Variants in PARG observed in about 807,000 individuals in gnomAD.
PARG encodes the protein mitochondrial poly(ADP-ribose) glycohydrolase.
PARG carries 35 observed loss-of-function variants against 113.0 expected under a neutral mutation model. The observed-to-expected ratio is 0.31, with a 90% confidence interval of 0.24 to 0.41. PARG has a LOEUF of 0.41. Among genes scored for constraint, PARG ranks in the 10% least tolerant of loss-of-function variants. The pLI, the probability that PARG is intolerant of heterozygous loss-of-function variation, is 1.00. For missense variants in PARG, 797 were observed against 1,169.4 expected (o/e 0.68, Z 4.64); for synonymous variants, 330 against 409.9 (o/e 0.81, Z 2.36).
intron 16 of PARG, among the ~76,000 whole-genome samples, chr10:49,821,865 G>A (rs1377651646): frequency 6.6e-6 from 1 of 152,076 alleles, no homozygotes; most frequent in East Asian, 1.9e-4. Flanking sequence ...AAAGGAAGAA[G>A]AACAGGAAGA....
At chr10:49,910,112 T>G (rs1414995159) in intron 7 of PARG, among the ~76,000 whole-genome samples, 1 of 152,154 alleles carries the variant, frequency 6.6e-6, no homozygotes, top group African/African-American at 2.4e-5. Context: ...ATTTACCTTT[T>G]AAATTAAGTA....
chr10:49,887,118 T>A (rs1294161551), intron 7 of PARG, among the ~76,000 whole-genome samples: 3 of 151,878 alleles, frequency 2.0e-5, no homozygotes, highest in South Asian at 2.1e-4. Context: ...GGCATGACCA[T>A]AGCTCACTGT....
At chr10:49,881,110 T>G (rs1341295668) in intron 8 of PARG, among the ~76,000 whole-genome samples, 3 of 152,220 alleles carry the variant, frequency 2.0e-5, no homozygotes. Context: ...GATATTCCTT[T>G]CTGTTGATTC....
intron 16 of PARG, among the ~76,000 whole-genome samples, chr10:49,825,001 G>C (rs1442486836): frequency 1.3e-5 from 2 of 152,016 alleles, no homozygotes; most frequent in Non-Finnish European, 2.9e-5. Context: ...CGATTTAAAT[G>C]CATGCTGTCA....
intron 17 of PARG, 101 bp from the exon 18 acceptor site, chr10:49,819,595 T>C: frequency 1.2e-6 from 1 of 855,310 alleles, no homozygotes; most frequent in Non-Finnish European, 1.8e-6. Context: ...TGGCATATGC[T>C]CAGACTTGGC....
rs1174499662 is a variant in PARG at position 49,939,108 on chromosome 10, G to A, written c.217+2401C>T. ...CTCCTCCTCCTTTACATGCAAATAA[G>A]GTTAATGAAACCACAAATTATCCAG... On this transcript the variant is annotated intron_variant, in intron 1 of 17. Transcript: ENST00000616448. Among the ~76,000 whole-genome samples, 4 of 152,148 alleles carry A rather than the reference G, an allele frequency of 2.6e-5. No individual in the cohort carries two copies. In the East Asian group the frequency reaches 7.7e-4, roughly 29 times the overall value.
At chr10:49,849,729 T>C (rs1247906623) in intron 13 of PARG, among the ~76,000 whole-genome samples, 1 of 152,150 alleles carries the variant, frequency 6.6e-6, no homozygotes, top group South Asian at 2.1e-4. Context: ...TTATAAATTA[T>C]AGGCGGGGTG....
chr10:49,890,191 A>G (rs1452378633), intron 7 of PARG, among the ~76,000 whole-genome samples: 1 of 152,194 alleles, frequency 6.6e-6, no homozygotes, highest in African/African-American at 2.4e-5. Context: ...TTCTCCCACA[A>G]GTAAAACCCT....
intron 15 of PARG, chr10:49,833,400 T>C (rs1844766137): frequency 6.6e-6 from 1 of 152,228 alleles, no homozygotes; most frequent in Non-Finnish European, 1.5e-5. Flanking sequence ...GAGATTAGAT[T>C]AATAAATGTG....
At chr10:49,864,991 AG>A (rs1167157139) in intron 11 of PARG, among the ~76,000 whole-genome samples, 3 of 151,386 alleles carry the variant, frequency 2.0e-5, no homozygotes, top group African/African-American at 4.8e-5. Flanking sequence ...AAAAAAAAAA[AG>A]GGTAAGGAGA....
intron 10 of PARG, among the ~76,000 whole-genome samples, chr10:49,868,540 C>T (rs1171302112): frequency 4.6e-5 from 7 of 152,074 alleles, no homozygotes; most frequent in Non-Finnish European, 8.8e-5. Context: ...ATGCCAAGTA[C>T]ACTGTAATGC....
intron 10 of PARG, chr10:49,867,078 TCTAGA>T (rs1206051164): frequency 3.9e-5 from 6 of 152,096 alleles, no homozygotes; most frequent in Non-Finnish European, 7.3e-5. Context: ...TTACCATAGG[TCTAGA>T]CTAGAGGTGA....
chr10:49,841,954 T>C lies in PARG; in HGVS notation c.2537A>G (p.Asn846Ser). The C allele has an allele frequency of 1.3e-6, 2 of 1,542,308 alleles. No homozygotes were observed. Among genetic ancestry groups the C allele is most frequent in the South Asian group, 1.2e-5 (1 of 83,942 alleles). Reference sequence around the variant, plus strand: ...CTAAGAAATAAGGTTACTGGCCTTGTTCAGCTCGCGTCTCATTTTCTCAGG... The same window carrying C: ...CTAAGAAATAAGGTTACTGGCCTTGCTCAGCTCGCGTCTCATTTTCTCAGG... Reference protein sequence around the residue: ...FVPEKMRRELNKAYCGFLRPG... With the variant: ...FVPEKMRRELSKAYCGFLRPG... Residue 846 changes from asparagine (N) to serine (S), a missense_variant, in exon 15 of 18, where the codon AAC becomes AGC. This residue lies in a region of PARG where 194 missense variants were observed against 247.1 expected (regional missense o/e 0.79). Transcript: ENST00000616448.
At chr10:49,826,691 G>C (rs1308735479) in intron 16 of PARG, among the ~76,000 whole-genome samples, 1 of 152,168 alleles carries the variant, frequency 6.6e-6, no homozygotes, top group Non-Finnish European at 1.5e-5. Context: ...TCTCATTAGT[G>C]GATGTGTCTT....
At chr10:49,922,729 A>C in intron 4 of PARG, 60 bp from the exon 5 acceptor site, 3 of 1,084,266 alleles carry the variant, frequency 2.8e-6, no homozygotes, top group Non-Finnish European at 4.0e-6. Context: ...CTTCTATAAA[A>C]TAATCCTAAG....
chr10:49,848,286 T>G (rs1370769999), intron 13 of PARG, among the ~76,000 whole-genome samples: 1 of 149,078 alleles, frequency 6.7e-6, no homozygotes, highest in Non-Finnish European at 1.5e-5. Flanking sequence ...AGGGTGGAGG[T>G]TGCAGTAAGC....
At position 49,819,266 on chromosome 10, in the gene PARG, C is replaced by A; in HGVS notation, c.*74G>T. On this transcript the variant is annotated 3_prime_UTR_variant, in exon 18 of 18. Coordinates refer to ENST00000616448, the MANE Select transcript of PARG (RefSeq NM_003631.5). ...ACATTTATATTAACTTAAGTCAATT[C>A]ATATATTACACCTGACAGCTCAAAC... The A allele has an allele frequency of 8.4e-7, 1 of 1,193,264 alleles. No individual in the cohort carries two copies. 73.9% of individuals were successfully genotyped at this position (1,193,264 alleles called of 1,614,324 possible). A position where few individuals can be genotyped will look rare whatever the true frequency, so the allele number is the denominator to read the frequency against.
intron 7 of PARG, chr10:49,910,052 A>G (rs1421144393): frequency 6.6e-6 from 1 of 152,222 alleles, no homozygotes; most frequent in Admixed American, 6.5e-5. Flanking sequence ...GACAGATATA[A>G]TAACATGATC....
Position 49,941,806 on chromosome 10 carries a change from C to G in PARG, c.-81G>C, listed in dbSNP as rs2133031790. 6.5e-6 allele frequency: 10 copies of G among 1,534,992 alleles called. No homozygotes were observed. The South Asian group carries it at 8.4e-5, about 13-fold the overall frequency. ...CTAACCCTGAGAGAGATGGACTGCG[C>G]CTCCTTCTCAGCGCCTGCCTGCACC... On this transcript the variant is annotated 5_prime_UTR_variant, in exon 1 of 18. Transcript: ENST00000616448.
Sources: gnomAD v4.1 joint callset for allele counts (sites outside exome capture counted in the v4.1 genomes callset) on GRCh38, gnomAD v4.1.1 for gene constraint, gnomAD v4.1.1 regional missense constraint, MANE v1.5 for transcripts, NCBI Gene and HGNC (gene_info 2026-07-23, HGNC 2026-07-21) for gene names.